MTHFD1L: variants seen among roughly 807,000 people sequenced by gnomAD.
MTHFD1L encodes methylenetetrahydrofolate dehydrogenase (NADP+ dependent) 1 like.
MTHFD1L carries 81 observed loss-of-function variants against 119.5 expected under a neutral mutation model. The ratio of observed to expected loss-of-function variants is 0.68; its 90% CI spans 0.57 to 0.82. The LOEUF is 0.82. Among genes scored for constraint, MTHFD1L ranks in the 40% least tolerant of loss-of-function variants. The pLI is 0.00. For missense variants in MTHFD1L, 1,125 were observed against 1,253.4 expected (o/e 0.90, Z 1.55); for synonymous variants, 430 against 475.2 (o/e 0.90, Z 1.24).
At chr6:151,044,040 AG>A (rs1787555431) in intron 26 of MTHFD1L, among the ~76,000 whole-genome samples, 1 of 151,828 alleles carries the variant, frequency 6.6e-6, no homozygotes, top group Non-Finnish European at 1.5e-5. Flanking sequence ...AGAAGCATTT[AG>A]ATGGTAGTCA....
At chr6:150,988,414 T>C (rs919911154) in intron 20 of MTHFD1L, among the ~76,000 whole-genome samples, 1 of 148,234 alleles carries the variant, frequency 6.7e-6, no homozygotes, top group African/African-American at 2.7e-5. Flanking sequence ...CGTTTTAAAG[T>C]TTTTAGCAAC....
intron 6 of MTHFD1L, among the ~76,000 whole-genome samples, chr6:150,886,305 G>A (rs575595535): frequency 6.6e-6 from 1 of 152,168 alleles, no homozygotes; most frequent in East Asian, 1.9e-4. Context: ...GTATGGTGGT[G>A]TGCACGTGTA....
chr6:150,951,749 GATTT>G (rs1759379488), intron 16 of MTHFD1L, among the ~76,000 whole-genome samples: 1 of 150,946 alleles, frequency 6.6e-6, no homozygotes, highest in African/African-American at 2.4e-5. Flanking sequence ...TAACTAGGAA[GATTT>G]ATTATTAAAA....
intron 24 of MTHFD1L, among the ~76,000 whole-genome samples, chr6:151,027,904 G>A (rs1784802286): frequency 6.6e-6 from 1 of 152,202 alleles, no homozygotes; most frequent in African/African-American, 2.4e-5. Context: ...GCATGTGGCT[G>A]CAGGGTTGTA....
chr6:150,962,277 A>G (rs1771806), intron 18 of MTHFD1L, among the ~76,000 whole-genome samples: 71,810 of 151,996 alleles, frequency 0.47, 17,911 homozygotes, highest in South Asian at 0.59. Flanking sequence ...GAGCCACCAC[A>G]CCCAGCCCTT....
chr6:151,069,956 T>A (rs1393335941), intron 26 of MTHFD1L, among the ~76,000 whole-genome samples: 1 of 152,212 alleles, frequency 6.6e-6, no homozygotes, highest in Admixed American at 6.5e-5. Flanking sequence ...GCTGCTTTTA[T>A]GTTGACGCAG....
At chr6:150,942,130 G>A (rs1275670841) in intron 13 of MTHFD1L, among the ~76,000 whole-genome samples, 1 of 152,006 alleles carries the variant, frequency 6.6e-6, no homozygotes, top group Non-Finnish European at 1.5e-5. Flanking sequence ...GTGGTGGCAG[G>A]CGCCTGTAAT....
rs182154248 is a variant in MTHFD1L, at chr6:150,894,428, C to T, written c.780+6447C>T. On this transcript the variant is annotated intron_variant, in intron 7 of 27. Coordinates refer to ENST00000367321, the MANE Select transcript of MTHFD1L (RefSeq NM_015440.5). ...TTGGCCAAGGGAGTGAAACCAGAAG[C>T]AAGACTACCATGAGACAACGTTCCA... is the stretch of plus-strand genomic sequence containing the variant. Among the ~76,000 whole-genome samples the T allele has an allele frequency of 4.7e-4, 71 of 152,236 alleles. 1 individual carries two copies. The highest frequency in any genetic ancestry group is 4.4e-3 in the Admixed American group (67 of 15,278).
At chr6:150,891,048 C>T (rs6919411) in intron 7 of MTHFD1L, among the ~76,000 whole-genome samples, 1,547 of 152,294 alleles carry the variant, frequency 0.01, 22 homozygotes, top group African/African-American at 0.036. Flanking sequence ...TGCAGTGGCG[C>T]GAACTCGGCT....
chr6:150,973,414 G>A (rs1308356734), intron 20 of MTHFD1L, among the ~76,000 whole-genome samples: 2 of 152,180 alleles, frequency 1.3e-5, no homozygotes, highest in Admixed American at 1.3e-4. Flanking sequence ...AGAGTGGCTA[G>A]ACATACTGTC....
At chr6:150,925,398 A>C (rs1182469363) in intron 10 of MTHFD1L, among the ~76,000 whole-genome samples, 2 of 152,162 alleles carry the variant, frequency 1.3e-5, no homozygotes, top group African/African-American at 2.4e-5. Context: ...AGCATTACAC[A>C]TGCTGGTATC....
chr6:151,024,441 G>A (rs2128508675), intron 24 of MTHFD1L, among the ~76,000 whole-genome samples: 1 of 152,108 alleles, frequency 6.6e-6, no homozygotes, highest in Middle Eastern at 3.2e-3. Flanking sequence ...TACTCAGGAG[G>A]CTGAGGTGGG....
intron 26 of MTHFD1L, among the ~76,000 whole-genome samples, chr6:151,057,747 A>G (rs902410902): frequency 6.6e-6 from 1 of 152,114 alleles, no homozygotes; most frequent in Admixed American, 6.5e-5. Context: ...TCCACAGAAC[A>G]GTCTTACCTT....
chr6:151,039,724 G>A lies in MTHFD1L; in HGVS notation c.2847+2607G>A, dbSNP rs1562579505. Among the ~76,000 whole-genome samples the A allele has an allele frequency of 6.6e-6, 1 of 152,150 alleles. No homozygotes were observed. The highest frequency in any genetic ancestry group is 1.5e-5 in the Non-Finnish European group (1 of 68,038). The stretch of plus-strand genomic sequence containing the variant: ...AAGGTCAGGAGTTCGAGACCTGCCT[G>A]GCCAAAATGGTGAAACCCCATCACT... On this transcript the variant is annotated intron_variant, in intron 26 of 27. Transcript: ENST00000367321. This position sits in a 1 kb window ranked among gnomAD's most constrained non-coding sequence, Gnocchi z 4.4.
chr6:150,980,254 A>T (rs1266455801), intron 20 of MTHFD1L, among the ~76,000 whole-genome samples: 1 of 152,184 alleles, frequency 6.6e-6, no homozygotes, highest in Non-Finnish European at 1.5e-5. Context: ...GTCTTCAGGA[A>T]GGCTTAACTC....
chr6:150,937,867 G>C (rs1185233506), intron 12 of MTHFD1L, among the ~76,000 whole-genome samples: 1 of 152,186 alleles, frequency 6.6e-6, no homozygotes, highest in Non-Finnish European at 1.5e-5. Context: ...GGGCGGTGTT[G>C]TTCTGCTTTA....
At chr6:151,047,329 C>T (rs1384306150) in intron 26 of MTHFD1L, among the ~76,000 whole-genome samples, 1 of 152,218 alleles carries the variant, frequency 6.6e-6, no homozygotes, top group African/African-American at 2.4e-5. Flanking sequence ...TCACACTCTT[C>T]TCTGGGTATC....
chr6:150,976,579 A>G (rs1487998325), intron 20 of MTHFD1L, among the ~76,000 whole-genome samples: 4 of 152,218 alleles, frequency 2.6e-5, no homozygotes, highest in Non-Finnish European at 2.9e-5. Flanking sequence ...TTTATAGTAG[A>G]CTATCTTTAT....
intron 24 of MTHFD1L, among the ~76,000 whole-genome samples, chr6:151,028,321 T>C (rs1784862779): frequency 6.6e-6 from 1 of 152,182 alleles, no homozygotes; most frequent in African/African-American, 2.4e-5. Flanking sequence ...AAAATGTATG[T>C]TGCCTTACGC....
Sources: allele counts gnomAD v4.1 joint callset (sites outside exome capture counted in the v4.1 genomes callset), GRCh38; gene constraint gnomAD v4.1.1; non-coding constraint Gnocchi (gnomAD v3.1); transcripts MANE v1.5; gene names NCBI Gene and HGNC (gene_info 2026-07-23, HGNC 2026-07-21).